Variants in SORCS2 observed in about 807,000 individuals in gnomAD.
SORCS2 encodes the protein sortilin related VPS10 domain containing receptor 2.
SORCS2 carries 100 observed loss-of-function variants against 141.6 expected under a neutral mutation model. The observed-to-expected ratio is 0.71, with a 90% CI of 0.60 to 0.83. The LOEUF (loss-of-function observed/expected upper bound fraction) is 0.83. SORCS2 is among the 40% of genes least tolerant of loss of function. The pLI is 0.00. For synonymous variants in SORCS2, 789 were observed against 676.9 expected (o/e 1.17, Z -2.57); for missense variants, 1,646 against 1,560.2 (o/e 1.05, Z -0.93).
intron 1 of SORCS2, among the ~76,000 whole-genome samples, chr4:7,243,717 A>G (rs6857956): frequency 0.11 from 17,089 of 152,306 alleles, 1,439 homozygotes; most frequent in African/African-American, 0.23. Flanking sequence ...CAGCAAAGGC[A>G]CACTGAGCCC....
chr4:7,489,368 G>C (rs555967700), intron 2 of SORCS2, among the ~76,000 whole-genome samples: 3 of 152,180 alleles, frequency 2.0e-5, no homozygotes, highest in African/African-American at 7.2e-5. Context: ...TTCTTGAATT[G>C]ATTTGCCGCT....
At chr4:7,422,786 G>A (rs1049341596) in intron 2 of SORCS2, among the ~76,000 whole-genome samples, 7 of 152,096 alleles carry the variant, frequency 4.6e-5, no homozygotes, top group Non-Finnish European at 7.4e-5. Context: ...CCTTGTCCCC[G>A]AGAGTCCGTT....
At chr4:7,596,006 G>A (rs767256659) in intron 3 of SORCS2, among the ~76,000 whole-genome samples, 4 of 152,120 alleles carry the variant, frequency 2.6e-5, no homozygotes, top group Admixed American at 1.3e-4. Flanking sequence ...ACGGCAACCC[G>A]CGGTTTCTCA....
At chr4:7,517,871 A>C (rs1468983872) in intron 2 of SORCS2, among the ~76,000 whole-genome samples, 3 of 152,240 alleles carry the variant, frequency 2.0e-5, no homozygotes, top group African/African-American at 7.2e-5. Context: ...CACCACGCAC[A>C]GCACGTGGTA....
At chr4:7,198,328 G>T (rs1213421879) in intron 1 of SORCS2, among the ~76,000 whole-genome samples, 1 of 152,192 alleles carries the variant, frequency 6.6e-6, no homozygotes, top group African/African-American at 2.4e-5. Context: ...CCACGACAAA[G>T]CTGACTTGAA....
rs781373497 is a variant in SORCS2, at chr4:7,712,793, C to T, written c.1929C>T (p.Pro643=). 1.2e-6 allele frequency: 2 copies of T among 1,613,912 alleles called. No homozygotes were observed. Among genetic ancestry groups the T allele is most frequent in the South Asian group, 2.2e-5 (2 of 91,084 alleles). Residue 643 remains proline, a synonymous_variant, in exon 15 of 27, where the codon CCC becomes CCT. Transcript: ENST00000507866. ...AGCTGGTCAAGGTGGACTTCCGGCC[C>T]TCATTCTCCAGGCAGTGCGGCGAGG... ...DWELVKVDFR[P]SFSRQCGEED...
At chr4:7,445,936 C>T (rs1303005732) in intron 2 of SORCS2, among the ~76,000 whole-genome samples, 2 of 152,164 alleles carry the variant, frequency 1.3e-5, no homozygotes, top group African/African-American at 4.8e-5. Context: ...CCAGGCCCAC[C>T]CCTCACACCT....
chr4:7,543,145 C>T (rs1257479045), intron 3 of SORCS2, among the ~76,000 whole-genome samples: 1 of 152,204 alleles, frequency 6.6e-6, no homozygotes, highest in Non-Finnish European at 1.5e-5. Flanking sequence ...GCCCTGGAGG[C>T]TTCCACATGG....
intron 3 of SORCS2, among the ~76,000 whole-genome samples, chr4:7,606,552 G>A (rs1718076964): frequency 6.6e-6 from 1 of 152,072 alleles, no homozygotes; most frequent in South Asian, 2.1e-4. Context: ...GGGCTGCTAA[G>A]AACATGTAGC....
rs183537982 is a variant in SORCS2, at chr4:7,414,092, A to T, written c.548+17737A>T. Among the ~76,000 whole-genome samples, 812 of 152,332 alleles carry T rather than the reference A, an allele frequency of 5.3e-3. 5 individuals are homozygous for T. The highest frequency in any genetic ancestry group is 8.5e-3 in the Non-Finnish European group (579 of 68,030). On this transcript the variant is annotated intron_variant, in intron 2 of 26. Coordinates refer to ENST00000507866, the MANE Select transcript of SORCS2 (RefSeq NM_020777.3). ...GTATCTCCAGCTAAAGGAAAGCTCG[A>T]CAAGGCGAGACAAGGATACGCTTGC...
At chr4:7,504,743 A>G (rs1277540688) in intron 2 of SORCS2, among the ~76,000 whole-genome samples, 1 of 152,102 alleles carries the variant, frequency 6.6e-6, no homozygotes, top group Non-Finnish European at 1.5e-5. Context: ...CGGGGACCGC[A>G]TTTTCATTTT....
intron 1 of SORCS2, among the ~76,000 whole-genome samples, chr4:7,381,018 G>A (rs542363136): frequency 6.8e-6 from 1 of 146,988 alleles, no homozygotes; most frequent in African/African-American, 2.5e-5. Context: ...GGAGGCAGAG[G>A]TTTCAGTGAG....
chr4:7,667,473 A>G (rs74531129), intron 8 of SORCS2, among the ~76,000 whole-genome samples: 1,544 of 152,010 alleles, frequency 0.01, 28 homozygotes, highest in African/African-American at 0.035. Flanking sequence ...TTTCCCCGGA[A>G]CCCTTGCACA....
rs1291362869 is a variant in SORCS2 at position 7,723,724 on chromosome 4, G to A, written c.2452G>A (p.Val818Ile). The A allele has an allele frequency of 1.9e-6, 3 of 1,613,882 alleles. No homozygotes were observed. The highest frequency in any genetic ancestry group is 2.5e-6 in the Non-Finnish European group (3 of 1,179,896). Reference protein sequence around the residue: ...QGDVLTTKYQVDLGDGFKAMY... With the variant: ...QGDVLTTKYQIDLGDGFKAMY... Reference sequence around the variant, plus strand: ...TGATGTCCTGACTACCAAGTACCAGGTAGACCTTGGGGACGGCTTCAAGGC... The same window carrying A: ...TGATGTCCTGACTACCAAGTACCAGATAGACCTTGGGGACGGCTTCAAGGC... The change falls in exon 19 of 27, where the codon GTA becomes ATA. Residue 818 changes from valine (V) to isoleucine (I), a missense_variant. By Grantham distance (29) the Val-to-Ile change is conservative. Transcript: ENST00000507866.
At chr4:7,731,898 T>C (rs1711718080) in intron 23 of SORCS2, among the ~76,000 whole-genome samples, 1 of 152,230 alleles carries the variant, frequency 6.6e-6, no homozygotes, top group Non-Finnish European at 1.5e-5. Flanking sequence ...TGAGCAATGC[T>C]GTTTTGCAGA....
chr4:7,271,584 C>T (rs369081459), intron 1 of SORCS2, among the ~76,000 whole-genome samples: 56 of 152,352 alleles, frequency 3.7e-4, no homozygotes, highest in Middle Eastern at 6.8e-3. Flanking sequence ...CATTTCCCTC[C>T]GGGACACGTG....
chr4:7,720,532 G>A (rs1347183486), intron 18 of SORCS2, among the ~76,000 whole-genome samples: 3 of 152,150 alleles, frequency 2.0e-5, no homozygotes, highest in East Asian at 1.9e-4. Flanking sequence ...AGCCACTTTC[G>A]CTCTGTGAAA....
intron 2 of SORCS2, chr4:7,434,989 G>T: frequency 7.4e-7 from 1 of 1,342,772 alleles, no homozygotes; most frequent in Admixed American, 2.8e-5. Flanking sequence ...CCACCTCCTG[G>T]CCACTCCCAC....
At chr4:7,630,735 G>T (rs1246223891) in intron 3 of SORCS2, among the ~76,000 whole-genome samples, 3 of 152,220 alleles carry the variant, frequency 2.0e-5, no homozygotes, top group Non-Finnish European at 4.4e-5. Flanking sequence ...TCTAATTTCA[G>T]ATCCGGGGGT....
Sources: allele counts gnomAD v4.1 joint callset (sites outside exome capture counted in the v4.1 genomes callset), GRCh38; gene constraint gnomAD v4.1.1; transcripts MANE v1.5; gene names NCBI Gene and HGNC (gene_info 2026-07-23, HGNC 2026-07-21).